Variants in ATL2 observed in about 807,000 individuals in gnomAD.
The protein encoded by ATL2 is atlastin-2.
A neutral mutation model predicts 73.9 loss-of-function variants in ATL2; 31 were observed. The ratio of observed to expected loss-of-function variants is 0.42; its 90% confidence interval spans 0.32 to 0.57. ATL2 has a LOEUF of 0.57. Among genes scored for constraint, ATL2 ranks in the 20% least tolerant of loss-of-function variants. ATL2 has a pLI of 0.14. For missense variants in ATL2, 738 were observed against 702.6 expected (o/e 1.05, Z -0.57); for synonymous variants, 291 against 237.5 (o/e 1.23, Z -2.07).
Position 38,308,020 on chromosome 2 carries a change from T to C in ATL2, c.1071+1359A>G, listed in dbSNP as rs117707529. 1.2e-4 allele frequency among the ~76,000 whole-genome samples: 18 copies of C among 151,280 alleles called. No homozygotes were observed. The East Asian group carries it at 3.6e-3, about 30-fold the overall frequency. The stretch of plus-strand genomic sequence containing the variant: ...CACTGTTGGCAGAAAGGTAAATTAG[T>C]ACAACCACTATGGAGAACAGTTTGG... On this transcript the variant is annotated intron_variant, in intron 9 of 12. Coordinates refer to ENST00000378954, the MANE Select transcript of ATL2 (RefSeq NM_001135673.4).
At chr2:38,329,107 A>G (rs1668831010) in intron 2 of ATL2, among the ~76,000 whole-genome samples, 1 of 149,620 alleles carries the variant, frequency 6.7e-6, no homozygotes, top group Non-Finnish European at 1.5e-5. Context: ...TCACACAAGG[A>G]GAACTAGATC....
chr2:38,340,319 T>A (rs1334690373), intron 2 of ATL2, among the ~76,000 whole-genome samples: 1 of 151,946 alleles, frequency 6.6e-6, no homozygotes, highest in East Asian at 1.9e-4. Context: ...CTTTTCTGCA[T>A]GTAAATTATA....
At chr2:38,331,612 CAAA>C (rs35381890) in intron 2 of ATL2, among the ~76,000 whole-genome samples, 242 of 92,140 alleles carry the variant, frequency 2.6e-3, no homozygotes, top group African/African-American at 8.1e-3. Flanking sequence ...GACTCCATCT[CAAA>C]AAAAAAAAAA....
intron 1 of ATL2, among the ~76,000 whole-genome samples, chr2:38,370,447 CCAAAAAA>C (rs1250330875): frequency 2.1e-5 from 1 of 48,576 alleles, no homozygotes; most frequent in South Asian, 1.0e-3. Context: ...AGACTCTGTC[CCAAAAAA>C]AAAAAAAAAA....
At chr2:38,347,492 G>T (rs1336609312) in intron 1 of ATL2, among the ~76,000 whole-genome samples, 1 of 152,082 alleles carries the variant, frequency 6.6e-6, no homozygotes, top group African/African-American at 2.4e-5. Context: ...CTAAATCACA[G>T]ATCCCTTTCC....
chr2:38,374,530 G>A (rs1015586416), intron 1 of ATL2, among the ~76,000 whole-genome samples: 1 of 152,198 alleles, frequency 6.6e-6, no homozygotes, highest in African/African-American at 2.4e-5. Flanking sequence ...TTACCAAAAA[G>A]TTTAACTTCT....
chr2:38,327,841 C>T (rs541573326), intron 2 of ATL2, among the ~76,000 whole-genome samples: 3 of 152,122 alleles, frequency 2.0e-5, no homozygotes, highest in Non-Finnish European at 4.4e-5. Context: ...GAGGCTAAGG[C>T]AGAAGAACCA....
Position 38,299,320 on chromosome 2 carries a change from G to A in ATL2, c.1136C>T (p.Ala379Val). The change falls in exon 11 of 13, where the codon GCT becomes GTT. Residue 379 changes from alanine (A) to valine (V), a missense_variant. Ala to Val is a moderately conservative substitution (Grantham distance 64). Transcript: ENST00000378954. ...PHPKSMLQATAEANNLAAVAG... is the reference protein window; with the variant it reads ...PHPKSMLQATVEANNLAAVAG... ...TACTGCAGCAAGATTATTAGCTTCA[G>A]CTGTTGCCTAAAAAATAAAATATGC... 6.6e-7 allele frequency: 1 copy of A among 1,512,826 alleles called. No homozygotes were observed. The highest frequency in any genetic ancestry group is 8.7e-7 in the Non-Finnish European group (1 of 1,143,722). The allele number at this position is 1,512,826 out of a possible 1,614,324, so 93.7% of individuals were successfully genotyped here. A position where few individuals can be genotyped will look rare whatever the true frequency, so the allele number is the denominator to read the frequency against.
chr2:38,348,452 G>C (rs958791483), intron 1 of ATL2, among the ~76,000 whole-genome samples: 3 of 148,648 alleles, frequency 2.0e-5, no homozygotes, highest in African/African-American at 7.7e-5. Flanking sequence ...GGCAACAAGA[G>C]CGAAACTCCA....
At chr2:38,324,413 C>T (rs1668488484) in intron 2 of ATL2, among the ~76,000 whole-genome samples, 1 of 152,230 alleles carries the variant, frequency 6.6e-6, no homozygotes, top group South Asian at 2.1e-4. Context: ...GTTATGAACA[C>T]TCAGCACCCA....
chr2:38,366,028 A>T (rs1671311050), intron 1 of ATL2, among the ~76,000 whole-genome samples: 1 of 152,052 alleles, frequency 6.6e-6, no homozygotes, highest in Non-Finnish European at 1.5e-5. Flanking sequence ...AGCAGCCGTG[A>T]AAAGAAGGGA....
chr2:38,365,852 CAGG>C (rs1004612013), intron 1 of ATL2, among the ~76,000 whole-genome samples: 4 of 151,914 alleles, frequency 2.6e-5, no homozygotes, highest in Non-Finnish European at 5.9e-5. Flanking sequence ...GAGGCTGAGG[CAGG>C]AGAATGGTTT....
intron 1 of ATL2, 100 bp from the exon 2 acceptor site, chr2:38,343,612 C>T (rs1669857211): frequency 1.9e-6 from 2 of 1,036,396 alleles, no homozygotes; most frequent in East Asian, 2.4e-5. Flanking sequence ...AGTAATTGCC[C>T]CCTCCCCCCA....
At chr2:38,327,524 T>TA (rs1350041032) in intron 2 of ATL2, among the ~76,000 whole-genome samples, 299 of 23,978 alleles carry the variant, frequency 0.012, 1 homozygote, top group African/African-American at 0.03. Flanking sequence ...GAGGGGAATA[T>TA]AAAAAAAAAA....
chr2:38,349,030 C>T (rs1670187499), intron 1 of ATL2, among the ~76,000 whole-genome samples: 1 of 151,044 alleles, frequency 6.6e-6, no homozygotes, highest in Non-Finnish European at 1.5e-5. Flanking sequence ...ACAACAGGTG[C>T]TGGAGAGGAT....
At chr2:38,365,249 G>C (rs557660129) in intron 1 of ATL2, among the ~76,000 whole-genome samples, 1 of 151,758 alleles carries the variant, frequency 6.6e-6, no homozygotes, top group South Asian at 2.1e-4. Context: ...AGATCGAATA[G>C]GGCTACTATG....
At chr2:38,310,484 A>C (rs2305245) in intron 7 of ATL2, 37 bp from the exon 8 acceptor site, 646,532 of 1,558,694 alleles carry the variant, frequency 0.41, 141,059 homozygotes, top group African/African-American at 0.76. Flanking sequence ...TTGTAAACAG[A>C]AGAAAGAAAA....
Position 38,294,034 on chromosome 2 carries a change from A to C in ATL2, c.*1960T>G, listed in dbSNP as rs980629835. ...AATTATTTTTTCATTCATAAAAAAC[A>C]GTCCACAGCATTCATAAAACAGGGT... On this transcript the variant is annotated 3_prime_UTR_variant, in exon 13 of 13. Transcript: ENST00000378954. Among the ~76,000 whole-genome samples the C allele has an allele frequency of 7.9e-5, 12 of 152,264 alleles. No homozygotes were observed. The highest frequency in any genetic ancestry group is 2.9e-4 in the African/African-American group (12 of 41,476).
intron 1 of ATL2, chr2:38,353,990 C>T (rs1228285499): frequency 4.0e-6 from 1 of 248,308 alleles, no homozygotes. Flanking sequence ...GTCAGGAGAT[C>T]GAGACCATCC....
Sources: gnomAD v4.1 joint callset for allele counts (sites outside exome capture counted in the v4.1 genomes callset) on GRCh38, gnomAD v4.1.1 for gene constraint, MANE v1.5 for transcripts, NCBI Gene and HGNC (gene_info 2026-07-23, HGNC 2026-07-21) for gene names.